The following COL19A1 variants were observed in gnomAD, a reference collection of about 807,000 sequenced individuals.
COL19A1 encodes collagen alpha-1(XIX) chain.
In COL19A1, 159 loss-of-function variants were observed where a neutral mutation model predicts 190.2. The ratio of observed to expected loss-of-function variants is 0.84; its 90% CI spans 0.73 to 0.95. The LOEUF (loss-of-function observed/expected upper bound fraction) is 0.95, where lower values mean the gene tolerates loss of function less well. COL19A1 is among the 40% of genes least tolerant of loss of function. The pLI, the probability that COL19A1 is intolerant of heterozygous loss-of-function variation, is 0.00. For synonymous variants in COL19A1, 509 were observed against 458.9 expected, an observed-to-expected ratio of 1.11 and a Z score of -1.39; for missense variants, 1,418 against 1,431.9, an observed-to-expected ratio of 0.99 and a Z score of 0.16.
At chr6:70,079,713 A>T (rs564368187) in intron 15 of COL19A1, among the ~76,000 whole-genome samples, 3 of 152,344 alleles carry the variant, frequency 2.0e-5, no homozygotes, top group Non-Finnish European at 2.9e-5. Context: ...ACAGAGGCAG[A>T]CATGACACTG....
At chr6:69,982,291 G>C (rs1241728774) in intron 11 of COL19A1, among the ~76,000 whole-genome samples, 1 of 134,270 alleles carries the variant, frequency 7.4e-6, no homozygotes, top group African/African-American at 2.7e-5. Context: ...TCCCAGGCTG[G>C]AGTGCAGTGG....
intron 48 of COL19A1, among the ~76,000 whole-genome samples, chr6:70,192,673 G>A (rs12211880): frequency 0.16 from 23,746 of 152,076 alleles, 2,306 homozygotes; most frequent in Non-Finnish European, 0.22. Flanking sequence ...CATAATTTGC[G>A]GTGTTCAGTG....
At chr6:70,039,744 T>C (rs1779539475) in intron 14 of COL19A1, among the ~76,000 whole-genome samples, 1 of 151,256 alleles carries the variant, frequency 6.6e-6, no homozygotes, top group Non-Finnish European at 1.5e-5. Context: ...CTTTATGATG[T>C]TTTTGGGGAA....
chr6:70,049,904 T>G (rs1045250747), intron 14 of COL19A1, among the ~76,000 whole-genome samples: 2 of 152,126 alleles, frequency 1.3e-5, no homozygotes, highest in Non-Finnish European at 2.9e-5. Flanking sequence ...TTAAAAATCT[T>G]TGTGGTAATG....
chr6:70,172,936 G>A (rs1030524012), intron 41 of COL19A1, among the ~76,000 whole-genome samples: 11 of 152,336 alleles, frequency 7.2e-5, no homozygotes, highest in Middle Eastern at 3.4e-3. Flanking sequence ...GATCAGAGCA[G>A]AAACAGTGGA....
intron 14 of COL19A1, among the ~76,000 whole-genome samples, chr6:70,057,024 C>T (rs530980885): frequency 6.6e-6 from 1 of 152,198 alleles, no homozygotes; most frequent in East Asian, 1.9e-4. Flanking sequence ...GCAAAAGTTA[C>T]CCATGATATT....
chr6:70,030,138 T>C (rs755383289), intron 12 of COL19A1, among the ~76,000 whole-genome samples: 12 of 152,144 alleles, frequency 7.9e-5, no homozygotes, highest in Non-Finnish European at 1.6e-4. Context: ...TCAATGATAA[T>C]ACTCAATATT....
chr6:70,163,522 C>A (rs1008159186), intron 36 of COL19A1, 126 bp downstream of exon 36: 46 of 815,134 alleles, frequency 5.6e-5, no homozygotes, highest in Non-Finnish European at 7.9e-5. Flanking sequence ...TAGAAAGTAC[C>A]TATTCTTGTA....
intron 3 of COL19A1, 51 bp from the exon 4 acceptor site, chr6:69,900,188 A>C (rs1770080751): frequency 8.2e-7 from 1 of 1,222,060 alleles, no homozygotes; most frequent in African/African-American, 1.5e-5. Flanking sequence ...CTGTTTAGAA[A>C]TTAACATTTC....
chr6:70,054,364 A>G (rs1332698617), intron 14 of COL19A1, among the ~76,000 whole-genome samples: 1 of 152,162 alleles, frequency 6.6e-6, no homozygotes, highest in Non-Finnish European at 1.5e-5. Context: ...ACAAACAAAC[A>G]AAAAAGATAT....
At chr6:70,030,798 CT>C (rs1321752835) in intron 12 of COL19A1, among the ~76,000 whole-genome samples, 2 of 152,216 alleles carry the variant, frequency 1.3e-5, no homozygotes, top group Non-Finnish European at 2.9e-5. Context: ...TTCTTCTCCA[CT>C]TCTGGCATAT....
intron 2 of COL19A1, among the ~76,000 whole-genome samples, chr6:69,892,482 A>G (rs1307622002): frequency 6.6e-6 from 1 of 152,208 alleles, no homozygotes; most frequent in Non-Finnish European, 1.5e-5. Context: ...TGCAAAATAG[A>G]CTTTACTTTT....
At chr6:70,164,191 T>G (rs1458177793) in intron 36 of COL19A1, among the ~76,000 whole-genome samples, 1 of 152,118 alleles carries the variant, frequency 6.6e-6, no homozygotes, top group African/African-American at 2.4e-5. Flanking sequence ...ATTGGACAGA[T>G]GGGTTGCCAT....
chr6:70,133,774 A>T (rs1452196098), intron 18 of COL19A1, among the ~76,000 whole-genome samples: 1 of 152,194 alleles, frequency 6.6e-6, no homozygotes, highest in African/African-American at 2.4e-5. Context: ...TGAACATTCA[A>T]TTTAAATAAA....
At chr6:69,983,279 T>C (rs995271839) in intron 11 of COL19A1, among the ~76,000 whole-genome samples, 1 of 152,162 alleles carries the variant, frequency 6.6e-6, no homozygotes, top group Non-Finnish European at 1.5e-5. Flanking sequence ...TTGATGCTAT[T>C]TTGAATACTT....
chr6:69,946,534 A>T (rs1008831720), intron 9 of COL19A1, among the ~76,000 whole-genome samples: 5 of 151,974 alleles, frequency 3.3e-5, no homozygotes, highest in Non-Finnish European at 7.4e-5. Flanking sequence ...TTTACGAATT[A>T]CTGATTTTTT....
At chr6:70,150,200 T>C (rs908209521) in intron 30 of COL19A1, among the ~76,000 whole-genome samples, 155 bp downstream of exon 30, 1 of 152,090 alleles carries the variant, frequency 6.6e-6, no homozygotes, top group Non-Finnish European at 1.5e-5. Flanking sequence ...TGAAAAAAAA[T>C]TCAGGCTGGA....
intron 4 of COL19A1, among the ~76,000 whole-genome samples, chr6:69,903,443 A>G (rs1196437756): frequency 6.6e-6 from 1 of 152,060 alleles, no homozygotes; most frequent in African/African-American, 2.4e-5. Flanking sequence ...GGATGTCTGC[A>G]CCTTCCCTAT....
At chr6:69,894,817 T>C (rs1367613264) in intron 2 of COL19A1, among the ~76,000 whole-genome samples, 1 of 152,166 alleles carries the variant, frequency 6.6e-6, no homozygotes, top group Non-Finnish European at 1.5e-5. Context: ...CACACCAGAT[T>C]GGCCACAGCC....
Sources: allele counts gnomAD v4.1 joint callset (sites outside exome capture counted in the v4.1 genomes callset), GRCh38; gene constraint gnomAD v4.1.1; transcripts MANE v1.5; gene names NCBI Gene and HGNC (gene_info 2026-07-23, HGNC 2026-07-21).